Variants in UBE3D observed in about 807,000 individuals in gnomAD.
UBE3D encodes the protein ubiquitin protein ligase E3D.
Under a neutral mutation model 49.6 loss-of-function variants are expected in UBE3D, and 48 were observed. The observed-to-expected ratio is 0.97, with a 90% CI of 0.77 to 1.23. The LOEUF (loss-of-function observed/expected upper bound fraction) is 1.23. Ranked by LOEUF, UBE3D falls within the 50% of genes most tolerant of loss-of-function variation. UBE3D has a pLI of 0.00. For missense variants in UBE3D, 452 were observed against 468.4 expected (o/e 0.96, Z 0.32); for synonymous variants, 189 against 174.2 (o/e 1.08, Z -0.67).
intron 9 of UBE3D, among the ~76,000 whole-genome samples, chr6:82,955,943 T>C (rs1054594557): frequency 1.9e-4 from 29 of 152,170 alleles, no homozygotes; most frequent in African/African-American, 6.8e-4. Context: ...GGGCAGCAAA[T>C]ATAAATAGGC....
At chr6:82,915,834 C>G (rs1321620965) in intron 9 of UBE3D, among the ~76,000 whole-genome samples, 1 of 152,080 alleles carries the variant, frequency 6.6e-6, no homozygotes, top group Admixed American at 6.6e-5. Flanking sequence ...TGCTATGTGA[C>G]AACAGGTAGA....
intron 8 of UBE3D, among the ~76,000 whole-genome samples, chr6:83,015,031 G>C (rs968569561): frequency 6.6e-6 from 1 of 152,174 alleles, no homozygotes; most frequent in Non-Finnish European, 1.5e-5. Flanking sequence ...CATTACGGTA[G>C]TATGCCCACC....
At chr6:83,005,866 T>C (rs1779943182) in intron 8 of UBE3D, among the ~76,000 whole-genome samples, 1 of 152,172 alleles carries the variant, frequency 6.6e-6, no homozygotes. Context: ...GACATCATGC[T>C]AAATGAAATA....
intron 8 of UBE3D, among the ~76,000 whole-genome samples, chr6:83,013,295 G>A (rs1355818978): frequency 6.6e-6 from 1 of 152,180 alleles, no homozygotes; most frequent in African/African-American, 2.4e-5. Flanking sequence ...TTTCTCAAAA[G>A]GAGAACAGTT....
rs879430913 is a variant in UBE3D at position 83,033,267 on chromosome 6, CT to C, written c.667+5148del. Among the ~76,000 whole-genome samples, 4 of 152,284 alleles carry C rather than the reference CT, an allele frequency of 2.6e-5. 1 individual carries two copies. The highest frequency in any genetic ancestry group is 1.3e-4 in the Admixed American group (2 of 15,286). ...AAGACATTCATGAGGGATCTGCCCC[CT>C]GACACAAACACCTCCCACCACACTC... On this transcript the variant is annotated intron_variant, in intron 5 of 9. Coordinates refer to ENST00000369747, the MANE Select transcript of UBE3D (RefSeq NM_198920.3).
At chr6:82,961,991 C>CGTGTGTGT (rs56273130) in intron 8 of UBE3D, among the ~76,000 whole-genome samples, 16 of 147,696 alleles carry the variant, frequency 1.1e-4, no homozygotes, top group African/African-American at 4.0e-4. Context: ...ATTTTTTATA[C>CGTGTGTGT]GTGTGTGTGT....
At chr6:83,000,821 T>G (rs1383806704) in intron 8 of UBE3D, among the ~76,000 whole-genome samples, 5 of 151,096 alleles carry the variant, frequency 3.3e-5, no homozygotes, top group Admixed American at 3.3e-4. Context: ...TTCTCCTCCT[T>G]CAGGCAGCAG....
downstream of UBE3D, among the ~76,000 whole-genome samples, chr6:82,887,430 T>A (rs1177707897): frequency 8.5e-6 from 1 of 116,970 alleles, no homozygotes; most frequent in East Asian, 2.7e-4. Context: ...AATAGTGGGC[T>A]GGGCGCGGTG....
rs1228725873 is a variant in UBE3D, at chr6:82,892,771, G to A, written c.*251C>T. 6.1e-6 allele frequency: 3 copies of A among 490,050 alleles called. No homozygotes were observed. Among genetic ancestry groups the A allele is most frequent in the Non-Finnish European group, 1.1e-5 (3 of 267,302 alleles). The allele number at this position is 490,050 out of a possible 1,614,324, so 30.4% of individuals were successfully genotyped here. ...ATTCCTCTCTGTGGGAAATAGAGAT[G>A]TAACTTCTACACTTGCCTCAACCTG... On this transcript the variant is annotated 3_prime_UTR_variant, in exon 10 of 10. Coordinates refer to ENST00000369747, the MANE Select transcript of UBE3D (RefSeq NM_198920.3).
At chr6:83,017,138 A>G (rs1234357567) in intron 8 of UBE3D, 1 of 152,234 alleles carries the variant, frequency 6.6e-6, no homozygotes, top group Non-Finnish European at 1.5e-5. Context: ...CTAGCATTAA[A>G]TTGAAGAAGA....
chr6:83,004,170 G>A (rs1779817512), intron 8 of UBE3D, among the ~76,000 whole-genome samples: 1 of 152,146 alleles, frequency 6.6e-6, no homozygotes, highest in Admixed American at 6.5e-5. Flanking sequence ...TACAGATTAA[G>A]AGGCATAAAT....
At chr6:83,012,745 C>T (rs924808220) in intron 8 of UBE3D, among the ~76,000 whole-genome samples, 10 of 152,186 alleles carry the variant, frequency 6.6e-5, no homozygotes, top group African/African-American at 2.2e-4. Context: ...AAACCATTGG[C>T]TACAGCCCAT....
intron 8 of UBE3D, among the ~76,000 whole-genome samples, chr6:82,969,986 A>G (rs1344728853): frequency 6.6e-6 from 1 of 151,110 alleles, no homozygotes; most frequent in African/African-American, 2.4e-5. Flanking sequence ...CATGGAACAA[A>G]ACACAAAATA....
At chr6:82,958,507 A>C (rs1776325740) in intron 8 of UBE3D, among the ~76,000 whole-genome samples, 2 of 152,234 alleles carry the variant, frequency 1.3e-5, no homozygotes, top group Admixed American at 6.5e-5. Flanking sequence ...GGTTTGGGAC[A>C]TAATGGATTT....
intron 8 of UBE3D, among the ~76,000 whole-genome samples, chr6:83,002,242 C>T (rs145280918): frequency 1.3e-5 from 2 of 152,274 alleles, no homozygotes; most frequent in African/African-American, 4.8e-5. Flanking sequence ...AAAACCTGTT[C>T]CGTAGATGCT....
intron 9 of UBE3D, among the ~76,000 whole-genome samples, chr6:82,895,321 A>T (rs1028738334): frequency 6.6e-6 from 1 of 152,118 alleles, no homozygotes; most frequent in African/African-American, 2.4e-5. Context: ...AAAAAGAAGA[A>T]AAAAAGAAAA....
At chr6:83,029,506 A>C (rs4526167) in intron 5 of UBE3D, among the ~76,000 whole-genome samples, 98,665 of 152,112 alleles carry the variant, frequency 0.65, 32,913 homozygotes, top group East Asian at 0.78. Flanking sequence ...TTTTCTTAAA[A>C]AGTTATTTGC....
chr6:82,918,978 C>G (rs754538060), intron 9 of UBE3D, among the ~76,000 whole-genome samples: 13 of 152,138 alleles, frequency 8.5e-5, no homozygotes, highest in Non-Finnish European at 1.6e-4. Flanking sequence ...CCTGGTAATG[C>G]TCATCTCCAT....
At chr6:83,065,489 C>G (rs1784431500) in intron 1 of UBE3D, among the ~76,000 whole-genome samples, 153 bp downstream of exon 1, 1 of 152,150 alleles carries the variant, frequency 6.6e-6, no homozygotes, top group South Asian at 2.1e-4. Context: ...GAGCCGACTA[C>G]AGGGGAAAGC....
Sources: allele counts gnomAD v4.1 joint callset (sites outside exome capture counted in the v4.1 genomes callset), GRCh38; gene constraint gnomAD v4.1.1; transcripts MANE v1.5; gene names NCBI Gene and HGNC (gene_info 2026-07-23, HGNC 2026-07-21).